The following TJP1 variants were observed in gnomAD, a reference collection of about 807,000 sequenced individuals.
TJP1 encodes the protein tight junction protein ZO-1.
TJP1 carries 43 observed loss-of-function variants against 194.2 expected under a neutral mutation model. The observed-to-expected ratio is 0.22, with a 90% CI of 0.17 to 0.29. The LOEUF is 0.29. TJP1 is among the 10% of genes least tolerant of loss of function. TJP1 has a pLI of 1.00. For missense variants in TJP1, 1,971 were observed against 2,185.7 expected, an observed-to-expected ratio of 0.90 and a Z score of 1.96; for synonymous variants, 801 against 779.0, an observed-to-expected ratio of 1.03 and a Z score of -0.47.
intron 2 of TJP1, among the ~76,000 whole-genome samples, chr15:29,864,772 C>A (rs539878379): frequency 6.6e-6 from 1 of 152,094 alleles, no homozygotes; most frequent in South Asian, 2.1e-4. Context: ...CAGTTAGCTA[C>A]GTGGGGGGCT....
intron 1 of TJP1, among the ~76,000 whole-genome samples, chr15:29,818,298 C>T (rs1038154775): frequency 5.9e-5 from 9 of 152,216 alleles, no homozygotes; most frequent in African/African-American, 2.2e-4. Flanking sequence ...CTTCCTTCAG[C>T]CACTTTTCTG....
rs550588110 is a variant in TJP1, at chr15:29,921,749, G to A, written c.306+34483C>T. ...TATTTTAAACATAATCAAAAGAAGA[G>A]AGAATGGTATAATGAACCCACATAT... On this transcript the variant is annotated intron_variant, in intron 2 of 28. Transcript: ENST00000356107. Among the ~76,000 whole-genome samples the A allele has an allele frequency of 3.2e-4, 49 of 152,264 alleles. 5 individuals carry two copies. The highest frequency in any genetic ancestry group is 1.1e-3 in the African/African-American group (47 of 41,556).
rs2041535707 is a variant in TJP1, at chr15:29,701,464, G to A, written c.*131C>T. ...GGGGCATGCTCACTCATCTTTATCA[G>A]TTCAAACAAATGCCTCATACTAACA... On this transcript the variant is annotated 3_prime_UTR_variant, in exon 28 of 28. Transcript: ENST00000614355. 5.7e-6 allele frequency: 4 copies of A among 705,446 alleles called. No individual in the cohort carries two copies. The highest frequency in any genetic ancestry group is 5.4e-5 in the East Asian group (2 of 36,862). The allele number at this position is 705,446 out of a possible 1,614,324, so 43.7% of individuals were successfully genotyped here.
intron 2 of TJP1, among the ~76,000 whole-genome samples, chr15:29,791,315 C>A (rs958339771): frequency 6.6e-6 from 1 of 151,784 alleles, no homozygotes; most frequent in Non-Finnish European, 1.5e-5. Context: ...GCATGAGCCA[C>A]CGCACCCAGG....
chr15:29,844,353 G>A (rs780879707), intron 2 of TJP1, among the ~76,000 whole-genome samples: 9 of 152,204 alleles, frequency 5.9e-5, no homozygotes, highest in Non-Finnish European at 1.3e-4. Context: ...ACAGGCATGA[G>A]CCACTGCACC....
At chr15:29,802,241 A>T (rs2048837824) in intron 1 of TJP1, among the ~76,000 whole-genome samples, 1 of 152,208 alleles carries the variant, frequency 6.6e-6, no homozygotes, top group Non-Finnish European at 1.5e-5. Context: ...CCTATTTCAT[A>T]AGTGAGGTCT....
chr15:29,699,904 G>A (rs560525305), downstream of TJP1: 17 of 196,772 alleles, frequency 8.6e-5, no homozygotes, highest in Admixed American at 9.6e-4. Context: ...CCCACAGGGG[G>A]AAGTCGGCCT....
intron 16 of TJP1, among the ~76,000 whole-genome samples, chr15:29,727,407 A>G (rs914377974): frequency 6.6e-6 from 1 of 152,178 alleles, no homozygotes; most frequent in African/African-American, 2.4e-5. Flanking sequence ...GAAAAAGTCA[A>G]AAGTCTGTAC....
intron 1 of TJP1, among the ~76,000 whole-genome samples, chr15:29,959,160 T>G (rs1055099683): frequency 1.3e-5 from 2 of 151,836 alleles, no homozygotes; most frequent in African/African-American, 4.8e-5. Flanking sequence ...TGACTAATTT[T>G]CTGTATTTTT....
intron 5 of TJP1, 142 bp downstream of exon 5, chr15:29,766,124 A>T: frequency 9.0e-7 from 1 of 1,113,136 alleles, no homozygotes; most frequent in Non-Finnish European, 1.3e-6. Flanking sequence ...GAAGCCTGCC[A>T]TAACAGGATT....
chr15:29,949,595 A>T (rs2055520406), intron 2 of TJP1, among the ~76,000 whole-genome samples: 1 of 83,318 alleles, frequency 1.2e-5, no homozygotes, highest in Non-Finnish European at 2.5e-5. Flanking sequence ...CACCTCCACA[A>T]CCACCACCTC....
chr15:29,868,641 T>A (rs1437038383), intron 2 of TJP1, among the ~76,000 whole-genome samples: 2 of 152,176 alleles, frequency 1.3e-5, no homozygotes, highest in African/African-American at 4.8e-5. Context: ...AGATCATGAA[T>A]GGCGCTGGTA....
At chr15:29,941,583 C>T (rs1013798963) in intron 2 of TJP1, among the ~76,000 whole-genome samples, 4 of 152,154 alleles carry the variant, frequency 2.6e-5, no homozygotes, top group African/African-American at 9.7e-5. Context: ...CCCTCTGCCC[C>T]CTCAACACCT....
Position 29,737,292 on chromosome 15 carries a change from C to T in TJP1, c.1379G>A (p.Gly460Asp), listed in dbSNP as rs1192215120. ...VLEDSPAAKEGLEEGDQILRV... is the reference protein window; with the variant it reads ...VLEDSPAAKEDLEEGDQILRV... ...GAGAATTTGATCACCTTCCTCTAAG[C>T]CTTCCTTGGCTGCAGGGCTATCTTC... The change falls in exon 11 of 28, where the codon GGC (glycine) becomes GAC (aspartate). Residue 460 changes from glycine (G) to aspartate (D), a missense_variant. Physicochemically the swap from Gly to Asp is moderately conservative, Grantham distance 94. Coordinates refer to ENST00000614355, the MANE Select transcript of TJP1 (RefSeq NM_001330239.4). 3 of 1,614,006 alleles carry T rather than the reference C, an allele frequency of 1.9e-6. No homozygotes were observed. The highest frequency in any genetic ancestry group is 2.5e-6 in the Non-Finnish European group (3 of 1,179,998).
At chr15:29,912,601 G>A (rs1403526298) in intron 2 of TJP1, among the ~76,000 whole-genome samples, 1 of 149,938 alleles carries the variant, frequency 6.7e-6, no homozygotes, top group Non-Finnish European at 1.5e-5. Flanking sequence ...AGCTACTCAG[G>A]AGGCTGAGGC....
chr15:29,788,897 T>C (rs757161765), intron 2 of TJP1, among the ~76,000 whole-genome samples: 6 of 152,128 alleles, frequency 3.9e-5, no homozygotes, highest in Admixed American at 6.5e-5. Flanking sequence ...GGTGAACACA[T>C]GTGGTTACCA....
intron 2 of TJP1, among the ~76,000 whole-genome samples, chr15:29,911,807 G>C (rs1285058586): frequency 6.6e-6 from 1 of 152,160 alleles, no homozygotes; most frequent in Non-Finnish European, 1.5e-5. Flanking sequence ...AATTATTTTT[G>C]TTAAGCATGC....
chr15:29,814,422 AAAAAGAATTAGTCATT>A (rs1290997367), intron 1 of TJP1, among the ~76,000 whole-genome samples: 3 of 152,214 alleles, frequency 2.0e-5, no homozygotes, highest in Non-Finnish European at 4.4e-5. Context: ...TTAAGCTAAC[AAAAAGAATTAGTCATT>A]ACTGGTATCC....
intron 2 of TJP1, among the ~76,000 whole-genome samples, chr15:29,871,394 T>G (rs2052514049): frequency 6.6e-6 from 1 of 152,316 alleles, no homozygotes; most frequent in East Asian, 1.9e-4. Context: ...CTCCCCTCAC[T>G]CCCACCATGC....
Sources: gnomAD v4.1 joint callset for allele counts (sites outside exome capture counted in the v4.1 genomes callset) on GRCh38, gnomAD v4.1.1 for gene constraint, MANE v1.5 for transcripts, NCBI Gene and HGNC (gene_info 2026-07-23, HGNC 2026-07-21) for gene names.